The following TRAPPC9 variants were observed in gnomAD, a reference collection of about 807,000 sequenced individuals.
TRAPPC9 encodes the protein IKK2 binding protein.
Under a neutral mutation model 124.0 loss-of-function variants are expected in TRAPPC9, and 83 were observed. The ratio of observed to expected loss-of-function variants is 0.67; its 90% confidence interval spans 0.56 to 0.80. The LOEUF is 0.80. Among genes scored for constraint, TRAPPC9 ranks in the 30% least tolerant of loss-of-function variants. The pLI is 0.00. For synonymous variants in TRAPPC9, 638 were observed against 617.5 expected (o/e 1.03, Z -0.49); for missense variants, 1,302 against 1,508.3 (o/e 0.86, Z 2.27).
intron 7 of TRAPPC9, among the ~76,000 whole-genome samples, chr8:140,392,789 C>T (rs2068964324): frequency 6.6e-6 from 1 of 152,166 alleles, no homozygotes; most frequent in African/African-American, 2.4e-5. Context: ...ACTGGAAACA[C>T]AGAATTATAA....
intron 17 of TRAPPC9, among the ~76,000 whole-genome samples, chr8:140,136,794 A>G (rs2130744720): frequency 6.6e-6 from 1 of 152,282 alleles, no homozygotes; most frequent in East Asian, 1.9e-4. Flanking sequence ...CTGATGGGAC[A>G]GTGGGAGATC....
intron 9 of TRAPPC9, among the ~76,000 whole-genome samples, chr8:140,331,596 T>C (rs148845260): frequency 0.012 from 1,699 of 145,724 alleles, 30 homozygotes; most frequent in Non-Finnish European, 0.014. Flanking sequence ...GTCCAGAATA[T>C]AAAGGAACTC....
intron 18 of TRAPPC9, among the ~76,000 whole-genome samples, chr8:140,019,367 T>C (rs184252408): frequency 1.3e-5 from 2 of 152,246 alleles, no homozygotes; most frequent in African/African-American, 4.8e-5. Flanking sequence ...AAAGTTTTTG[T>C]AAAGGTGATA....
In TRAPPC9 at chr8:139,728,025, T is replaced by TA. The variant is rs11340277; in HGVS notation, c.*3035dup. Among the ~76,000 whole-genome samples the TA allele has an allele frequency of 2.3e-4, 35 of 151,276 alleles. No individual in the cohort carries two copies. Among genetic ancestry groups the TA allele is most frequent in the African/African-American group, 7.5e-4 (31 of 41,280 alleles). The stretch of plus-strand genomic sequence containing the variant: ...TTATTAAGAAGTTGCTATCATGTGC[T>TA]AAAAAAAAATCTAGGAGGTTAAATC... On this transcript the variant is annotated 3_prime_UTR_variant, in exon 23 of 23. Transcript: ENST00000438773.
At chr8:139,756,541 G>C (rs1207360436) in intron 21 of TRAPPC9, among the ~76,000 whole-genome samples, 3 of 147,226 alleles carry the variant, frequency 2.0e-5, no homozygotes, top group Non-Finnish European at 4.5e-5. Context: ...CGCAGGAGGA[G>C]CCAGGGTTTG....
chr8:140,431,456 A>C (rs1244546344), intron 4 of TRAPPC9, among the ~76,000 whole-genome samples: 1 of 152,070 alleles, frequency 6.6e-6, no homozygotes, highest in Non-Finnish European at 1.5e-5. Flanking sequence ...AAAAAAAAAA[A>C]TAAAAATAAA....
At chr8:139,881,158 T>C (rs1829654320) in intron 21 of TRAPPC9, 1 of 152,104 alleles carries the variant, frequency 6.6e-6, no homozygotes, top group East Asian at 1.9e-4. Context: ...CCTCCCGAGG[T>C]TCCTCTGGTG....
intron 21 of TRAPPC9, among the ~76,000 whole-genome samples, chr8:139,789,190 G>A (rs557913792): frequency 4.8e-5 from 7 of 146,864 alleles, no homozygotes; most frequent in East Asian, 1.9e-4. Context: ...CCTGCCCGGC[G>A]GGCGGGAGAC....
chr8:140,160,952 A>G (rs969024154), intron 17 of TRAPPC9, among the ~76,000 whole-genome samples: 1 of 152,196 alleles, frequency 6.6e-6, no homozygotes, highest in Non-Finnish European at 1.5e-5. Context: ...TATGCATCGC[A>G]GAATGTTTCC....
At chr8:139,911,166 C>T (rs938311110) in intron 19 of TRAPPC9, 3 of 152,014 alleles carry the variant, frequency 2.0e-5, no homozygotes, top group Non-Finnish European at 4.4e-5. Context: ...CCATACTGTT[C>T]TCAGGGTAGT....
At chr8:139,938,371 G>A (rs1251610663) in intron 19 of TRAPPC9, among the ~76,000 whole-genome samples, 7 of 152,034 alleles carry the variant, frequency 4.6e-5, no homozygotes, top group Middle Eastern at 3.4e-3. Flanking sequence ...TGCAAGCTCC[G>A]CCTCCCGGGT....
intron 15 of TRAPPC9, among the ~76,000 whole-genome samples, chr8:140,259,498 C>T (rs556260137): frequency 6.6e-6 from 1 of 152,186 alleles, no homozygotes; most frequent in African/African-American, 2.4e-5. Context: ...TGGCTCCGGC[C>T]GGCTATCCTT....
intron 9 of TRAPPC9, among the ~76,000 whole-genome samples, chr8:140,341,982 TAGAA>T (rs1399709986): frequency 6.6e-6 from 1 of 152,246 alleles, no homozygotes; most frequent in Non-Finnish European, 1.5e-5. Flanking sequence ...ACACCTGCTT[TAGAA>T]AGAAAGATCA....
intron 9 of TRAPPC9, among the ~76,000 whole-genome samples, chr8:140,339,038 G>C (rs2067123614): frequency 7.0e-6 from 1 of 142,098 alleles, no homozygotes; most frequent in African/African-American, 2.6e-5. Context: ...AGGCCGACGG[G>C]AAACGGCTCA....
intron 5 of TRAPPC9, among the ~76,000 whole-genome samples, chr8:140,417,637 G>A (rs539294909): frequency 7.5e-4 from 115 of 152,322 alleles, no homozygotes; most frequent in African/African-American, 2.7e-3. Flanking sequence ...TTCAACTATT[G>A]TGGAAGACAG....
chr8:140,291,282 T>C lies in TRAPPC9; in HGVS notation c.1769-204A>G, dbSNP rs571605600. The C allele has an allele frequency of 6.2e-6, 4 of 640,222 alleles. 1 individual carries two copies. The South Asian group carries it at 7.1e-5, about 11-fold the overall frequency. The allele number at this position is 640,222 out of a possible 1,614,324, so 39.7% of individuals were successfully genotyped here. A position where few individuals can be genotyped will look rare whatever the true frequency, so the allele number is the denominator to read the frequency against. On this transcript the variant is annotated intron_variant, in intron 11 of 22. Transcript: ENST00000438773. ...AAGGTAGCTGTCACTGGCACTTTGATGCCACATGAATGGCGCTTGTCACTG... is the reference window on the plus strand; with the variant it reads ...AAGGTAGCTGTCACTGGCACTTTGACGCCACATGAATGGCGCTTGTCACTG...
intron 21 of TRAPPC9, among the ~76,000 whole-genome samples, chr8:139,815,965 G>C (rs931729031): frequency 6.6e-5 from 10 of 152,248 alleles, no homozygotes; most frequent in Admixed American, 4.6e-4. Flanking sequence ...CTGCATGAGG[G>C]ACACGGGCAG....
At chr8:140,391,434 C>T (rs560795454) in intron 7 of TRAPPC9, among the ~76,000 whole-genome samples, 12 of 152,186 alleles carry the variant, frequency 7.9e-5, no homozygotes, top group Non-Finnish European at 1.5e-4. Flanking sequence ...GAAAGTGAGC[C>T]GGGTGCAGTG....
rs138419234 is a variant in TRAPPC9 at position 140,219,991 on chromosome 8, G to A, written c.2556+1468C>T. ...TCAGCACAACCTCTAATCAGACACT[G>A]GCTGCCCACAAAGCTCCAGGGCACC... On this transcript the variant is annotated intron_variant, in intron 17 of 22. Coordinates refer to ENST00000438773, the MANE Select transcript of TRAPPC9 (RefSeq NM_001160372.4). 3.2e-4 allele frequency among the ~76,000 whole-genome samples: 48 copies of A among 152,286 alleles called. 1 individual carries two copies. Among genetic ancestry groups the A allele is most frequent in the East Asian group, 1.7e-3 (9 of 5,172 alleles).
Sources: allele counts gnomAD v4.1 joint callset (sites outside exome capture counted in the v4.1 genomes callset), GRCh38; gene constraint gnomAD v4.1.1; transcripts MANE v1.5; gene names NCBI Gene and HGNC (gene_info 2026-07-23, HGNC 2026-07-21).